NAALADL2: variants seen among roughly 807,000 people sequenced by gnomAD.
The protein encoded by NAALADL2 is N-acetylated alpha-linked acidic dipeptidase like 2, also known as inactive N-acetylated-alpha-linked acidic dipeptidase-like protein 2.
NAALADL2 carries 76 observed loss-of-function variants against 87.2 expected under a neutral mutation model. The observed-to-expected ratio is 0.87, with a 90% confidence interval of 0.72 to 1.05. NAALADL2 has a LOEUF of 1.05. Among genes scored for constraint, NAALADL2 ranks in the 50% least tolerant of loss-of-function variants. The pLI, the probability that NAALADL2 is intolerant of heterozygous loss-of-function variation, is 0.00. For synonymous variants in NAALADL2, 354 were observed against 331.0 expected (o/e 1.07, Z -0.75); for missense variants, 1,089 against 945.8 (o/e 1.15, Z -1.99).
chr3:175,424,072 A>C (rs1716349834), intron 5 of NAALADL2, among the ~76,000 whole-genome samples: 1 of 152,024 alleles, frequency 6.6e-6, no homozygotes, highest in Non-Finnish European at 1.5e-5. Flanking sequence ...TTCTTTTGAG[A>C]AGTGTCTGTT....
At chr3:175,423,287 C>CT (rs1310088029) in intron 5 of NAALADL2, among the ~76,000 whole-genome samples, 1 of 135,726 alleles carries the variant, frequency 7.4e-6, no homozygotes, top group African/African-American at 2.8e-5. Flanking sequence ...TTATTATACT[C>CT]TAAGTTTTAG....
rs138728721 is a variant in NAALADL2 at position 175,120,934 on chromosome 3, G to A, written c.545+23643G>A. Among the ~76,000 whole-genome samples the A allele has an allele frequency of 3.6e-3, 554 of 151,860 alleles. 4 individuals carry two copies. Among genetic ancestry groups the A allele is most frequent in the African/African-American group, 0.013 (521 of 41,500 alleles). Reference sequence around the variant, plus strand: ...CAACAAATGATGTCTTGATTCACACGTCTTTCATAAAGCTATATATTGATT... The same window carrying A: ...CAACAAATGATGTCTTGATTCACACATCTTTCATAAAGCTATATATTGATT... On this transcript the variant is annotated intron_variant, in intron 2 of 13. Coordinates refer to ENST00000454872, the MANE Select transcript of NAALADL2 (RefSeq NM_207015.3).
At chr3:174,831,286 A>G (rs1722657193) in intron 3 of NAALADL2, among the ~76,000 whole-genome samples, 1 of 149,602 alleles carries the variant, frequency 6.7e-6, no homozygotes, top group African/African-American at 2.5e-5. Context: ...CGTCCCATCA[A>G]TACCTAATTT....
At chr3:175,633,162 A>G (rs1458567287) in intron 11 of NAALADL2, among the ~76,000 whole-genome samples, 1 of 152,152 alleles carries the variant, frequency 6.6e-6, no homozygotes, top group East Asian at 1.9e-4. Flanking sequence ...CACCCAATCA[A>G]CTGCTCACTC....
At chr3:175,229,301 A>G (rs1382926732) in intron 2 of NAALADL2, among the ~76,000 whole-genome samples, 2 of 151,994 alleles carry the variant, frequency 1.3e-5, no homozygotes, top group African/African-American at 2.4e-5. Context: ...TTTACATAGA[A>G]AAAATGAAGA....
intron 5 of NAALADL2, among the ~76,000 whole-genome samples, chr3:175,416,566 A>G (rs183931819): frequency 2.3e-3 from 355 of 152,280 alleles, no homozygotes; most frequent in Middle Eastern, 6.8e-3. Context: ...TGACAAGATC[A>G]CTGATGTTAA....
In NAALADL2 at chr3:174,616,665, G is replaced by C. The variant is rs547010222; in HGVS notation, c.-115+66028G>C. Among the ~76,000 whole-genome samples the C allele has an allele frequency of 2.0e-5, 3 of 151,956 alleles. No individual in the cohort carries two copies. The East Asian group carries it at 5.8e-4, about 29-fold the overall frequency. On this transcript the variant is annotated intron_variant, in intron 2 of 3. Transcript: ENST00000434257. ...AATCACATGAGTTTTCTTATCTACT[G>C]TATGTCTATTTGGGAACAGCTAAAA...
intron 2 of NAALADL2, among the ~76,000 whole-genome samples, chr3:174,693,706 G>C (rs190947963): frequency 2.8e-4 from 42 of 152,234 alleles, no homozygotes; most frequent in African/African-American, 5.8e-4. Flanking sequence ...TAGGAGGCAA[G>C]GGATACAGGG....
At chr3:174,631,726 A>G (rs1180126931) in intron 2 of NAALADL2, 1 of 152,176 alleles carries the variant, frequency 6.6e-6, no homozygotes, top group African/African-American at 2.4e-5. Flanking sequence ...GTAACTTTTC[A>G]CTATGTTTTT....
At chr3:175,428,112 C>A (rs1419058630) in intron 5 of NAALADL2, among the ~76,000 whole-genome samples, 2 of 152,012 alleles carry the variant, frequency 1.3e-5, no homozygotes, top group African/African-American at 4.8e-5. Flanking sequence ...AGATATTGAT[C>A]ATTTCTAGCA....
chr3:175,305,316 C>G (rs1164272996), intron 4 of NAALADL2, among the ~76,000 whole-genome samples: 1 of 151,734 alleles, frequency 6.6e-6, no homozygotes, highest in Admixed American at 6.6e-5. Flanking sequence ...GTAATTCTCT[C>G]TCTAACTGAA....
At chr3:175,043,281 C>T (rs1487218844) in intron 1 of NAALADL2, among the ~76,000 whole-genome samples, 1 of 152,118 alleles carries the variant, frequency 6.6e-6, no homozygotes, top group Non-Finnish European at 1.5e-5. Context: ...CTATGTCACC[C>T]AGGCTGGAGT....
intron 13 of NAALADL2, among the ~76,000 whole-genome samples, chr3:175,787,963 T>C (rs1428964888): frequency 6.6e-6 from 1 of 152,072 alleles, no homozygotes; most frequent in East Asian, 1.9e-4. Context: ...GTTAATGAAG[T>C]CTATAATAGT....
At chr3:175,217,501 T>C (rs921258500) in intron 2 of NAALADL2, among the ~76,000 whole-genome samples, 2 of 152,226 alleles carry the variant, frequency 1.3e-5, no homozygotes. Context: ...TAGTTGCATA[T>C]ATTTTTAAAG....
At chr3:174,888,558 T>A (rs1163615906) in intron 1 of NAALADL2, among the ~76,000 whole-genome samples, 1 of 152,212 alleles carries the variant, frequency 6.6e-6, no homozygotes, top group Non-Finnish European at 1.5e-5. Context: ...ACATACAAAA[T>A]GATGGCTTTG....
At chr3:174,829,292 A>T (rs1005035703) in intron 3 of NAALADL2, among the ~76,000 whole-genome samples, 1 of 148,256 alleles carries the variant, frequency 6.7e-6, no homozygotes. Flanking sequence ...CAGTCCCCAG[A>T]GTGTGATGTT....
At chr3:174,613,625 C>T (rs1720159801) in intron 2 of NAALADL2, among the ~76,000 whole-genome samples, 1 of 152,164 alleles carries the variant, frequency 6.6e-6, no homozygotes, top group Non-Finnish European at 1.5e-5. Context: ...GTCCCTGGGG[C>T]TCTTCAGTCA....
At chr3:175,305,564 C>T (rs544764611) in intron 4 of NAALADL2, among the ~76,000 whole-genome samples, 104 of 151,638 alleles carry the variant, frequency 6.9e-4, no homozygotes, top group Non-Finnish European at 1.2e-3. Context: ...CTCTTGTTGT[C>T]CAGGCTGGAG....
At chr3:174,823,287 C>A (rs2109339069) in intron 3 of NAALADL2, among the ~76,000 whole-genome samples, 1 of 151,040 alleles carries the variant, frequency 6.6e-6, no homozygotes. Flanking sequence ...CCTTCTTTTC[C>A]TTAAAAAAAG....
Sources: gnomAD v4.1 joint callset for allele counts (sites outside exome capture counted in the v4.1 genomes callset) on GRCh38, gnomAD v4.1.1 for gene constraint, MANE v1.5 for transcripts, NCBI Gene and HGNC (gene_info 2026-07-23, HGNC 2026-07-21) for gene names.